USP24: variants seen among roughly 807,000 people sequenced by gnomAD.
USP24 encodes the protein ubiquitin specific peptidase 24, also known as ubiquitin carboxyl-terminal hydrolase 24.
In USP24, 97 loss-of-function variants were observed where a neutral mutation model predicts 361.6. The observed-to-expected ratio is 0.27, with a 90% CI of 0.23 to 0.32. The LOEUF (loss-of-function observed/expected upper bound fraction) is 0.32. USP24 is among the 10% of genes least tolerant of loss of function. The pLI is 1.00. For missense variants in USP24, 2,353 were observed against 3,165.6 expected (o/e 0.74, Z 6.16); for synonymous variants, 1,098 against 1,124.6 (o/e 0.98, Z 0.47).
At chr1:55,132,090 CAATT>C (rs1646609619) in intron 31 of USP24, among the ~76,000 whole-genome samples, 1 of 152,168 alleles carries the variant, frequency 6.6e-6, no homozygotes, top group Non-Finnish European at 1.5e-5. Flanking sequence ...AGACAGTAAA[CAATT>C]AAATGTATTA....
In USP24 at chr1:55,096,485, TG is replaced by T; in HGVS notation, c.6061+12del. 1 of 1,536,900 alleles carries T rather than the reference TG, an allele frequency of 6.5e-7. No individual in the cohort carries two copies. ...AAAAAACTAATGGAAAATATCCATT[TG>T]TAAATACTTACTTTGATCATAAACT... On this transcript the variant is annotated intron_variant, in intron 50 of 67. Transcript: ENST00000294383.
At chr1:55,120,471 A>G (rs1646248254) in intron 38 of USP24, 125 bp downstream of exon 38, 5 of 1,209,510 alleles carry the variant, frequency 4.1e-6, no homozygotes, top group Non-Finnish European at 5.5e-6. Flanking sequence ...CAGGACCCAA[A>G]TTTCAGAAGA....
intron 39 of USP24, 83 bp from the exon 40 acceptor site, chr1:55,107,513 G>A: frequency 7.2e-7 from 1 of 1,391,702 alleles, no homozygotes; most frequent in East Asian, 2.6e-5. Context: ...AGTAAGCAAA[G>A]TCAAGCCCCA....
chr1:55,105,388 G>A lies in USP24; in HGVS notation c.4880+758C>T, dbSNP rs372261551. Reference sequence around the variant, plus strand: ...ACTTTAAGTAGAGAAATATTTATATGTGATAAGATACCTCTTAGGATTCCA... The same window carrying A: ...ACTTTAAGTAGAGAAATATTTATATATGATAAGATACCTCTTAGGATTCCA... On this transcript the variant is annotated intron_variant, in intron 41 of 67. Coordinates refer to ENST00000294383, the MANE Select transcript of USP24 (RefSeq NM_015306.3). 5.9e-5 allele frequency among the ~76,000 whole-genome samples: 9 copies of A among 152,224 alleles called. No homozygotes were observed. In the South Asian group the frequency reaches 1.9e-3, roughly 32 times the overall value.
intron 59 of USP24, among the ~76,000 whole-genome samples, 198 bp downstream of exon 59, chr1:55,081,124 A>T (rs1645140811): frequency 6.6e-6 from 1 of 152,160 alleles, no homozygotes; most frequent in East Asian, 1.9e-4. Context: ...TCCCAAATGA[A>T]TGATGACTCA....
rs1179459959 is a variant in USP24, at chr1:55,160,496, A to G, written c.994-811T>C. Among the ~76,000 whole-genome samples the G allele has an allele frequency of 3.9e-5, 6 of 152,218 alleles. 1 individual carries two copies. Among genetic ancestry groups the G allele is most frequent in the Non-Finnish European group, 8.8e-5 (6 of 68,038 alleles). On this transcript the variant is annotated intron_variant, in intron 8 of 67. Transcript: ENST00000294383. ...TTATGGCCATTCCACAGATTAGGAA[A>G]TTGAGGCATACAAGTTAAATAAGAG... is the stretch of plus-strand genomic sequence containing the variant.
At position 55,143,499 on chromosome 1, in the gene USP24, G is replaced by A. The variant is rs535971960; in HGVS notation, c.2440-380C>T. On this transcript the variant is annotated intron_variant, in intron 21 of 67. Transcript: ENST00000294383. ...AAGCCAGAAGTGGTCACTAATTCTTGGGGCTCAATCTGGTCTTTCTAAAGC... is the reference window on the plus strand; with the variant it reads ...AAGCCAGAAGTGGTCACTAATTCTTAGGGCTCAATCTGGTCTTTCTAAAGC... Among the ~76,000 whole-genome samples the A allele has an allele frequency of 7.2e-5, 11 of 152,136 alleles. 1 individual carries two copies. The highest frequency in any genetic ancestry group is 1.3e-4 in the Non-Finnish European group (9 of 68,020).
chr1:55,186,824 T>C (rs925728401), intron 1 of USP24, among the ~76,000 whole-genome samples: 25 of 152,158 alleles, frequency 1.6e-4, no homozygotes, highest in African/African-American at 6.0e-4. Flanking sequence ...GAAGATGAAG[T>C]AGTTCTGAAG....
At chr1:55,202,398 G>A (rs886171167) in intron 1 of USP24, among the ~76,000 whole-genome samples, 2 of 151,434 alleles carry the variant, frequency 1.3e-5, no homozygotes, top group South Asian at 2.1e-4. Flanking sequence ...TTTGTATACC[G>A]ACTTTTTCTT....
chr1:55,139,806 G>T (rs1227574844), intron 24 of USP24, among the ~76,000 whole-genome samples: 1 of 152,146 alleles, frequency 6.6e-6, no homozygotes, highest in East Asian at 1.9e-4. Context: ...ACACATTTTA[G>T]CAGTTCTATT....
intron 1 of USP24, among the ~76,000 whole-genome samples, chr1:55,181,885 A>G (rs1429258931): frequency 6.6e-6 from 1 of 152,188 alleles, no homozygotes; most frequent in East Asian, 1.9e-4. Context: ...AAATGAGGTC[A>G]TAAGGGTAGG....
intron 44 of USP24, 96 bp downstream of exon 44, chr1:55,100,738 TTAGTC>T (rs2307833): frequency 0.79 from 1,022,101 of 1,288,300 alleles, 408,167 homozygotes; most frequent in East Asian, 0.95. Context: ...TGGCAAGAGA[TTAGTC>T]TAAAGTTAAT....
At position 55,107,438 on chromosome 1, in the gene USP24, G is replaced by T; in HGVS notation, c.4571-8C>A. The T allele has an allele frequency of 6.5e-7, 1 of 1,548,486 alleles. No individual in the cohort carries two copies. Among genetic ancestry groups the T allele is most frequent in the Non-Finnish European group, 8.7e-7 (1 of 1,152,738 alleles). ...ACTGCTCCATTTCTGAAGCTAAGAA[G>T]GAAAAAAAAAATCCATTACAAAGAA... is the stretch of plus-strand genomic sequence containing the variant. On this transcript the variant is annotated splice_region_variant and splice_polypyrimidine_tract_variant and intron_variant, in intron 39 of 67. Coordinates refer to ENST00000294383, the MANE Select transcript of USP24 (RefSeq NM_015306.3).
chr1:55,199,314 A>C (rs145181152), intron 1 of USP24, among the ~76,000 whole-genome samples: 2,034 of 152,208 alleles, frequency 0.013, 15 homozygotes, highest in Admixed American at 0.016. Flanking sequence ...CAAAACAAAA[A>C]AAAAACATGA....
intron 7 of USP24, among the ~76,000 whole-genome samples, chr1:55,162,731 C>T (rs1401295604): frequency 6.6e-6 from 1 of 152,132 alleles, no homozygotes; most frequent in Non-Finnish European, 1.5e-5. Flanking sequence ...AACATCAATT[C>T]TCTCTGCACT....
At chr1:55,077,798 A>T (rs1327410623) in intron 61 of USP24, among the ~76,000 whole-genome samples, 1 of 152,250 alleles carries the variant, frequency 6.6e-6, no homozygotes, top group Non-Finnish European at 1.5e-5. Context: ...TATGTATAAA[A>T]GTGGGAAAGG....
intron 12 of USP24, among the ~76,000 whole-genome samples, chr1:55,156,023 T>C (rs903950744): frequency 6.6e-6 from 1 of 152,206 alleles, no homozygotes; most frequent in African/African-American, 2.4e-5. Flanking sequence ...TTGCTTGATA[T>C]ACCTAGCATA....
intron 62 of USP24, 56 bp from the exon 63 acceptor site, chr1:55,075,579 C>A: frequency 7.6e-7 from 1 of 1,323,940 alleles, no homozygotes; most frequent in Non-Finnish European, 1.0e-6. Context: ...GTCATAGCCA[C>A]GGGTGCTTTC....
At chr1:55,072,661 G>T in intron 65 of USP24, 125 bp downstream of exon 65, 1 of 1,000,288 alleles carries the variant, frequency 1.0e-6, no homozygotes, top group Non-Finnish European at 1.4e-6. Context: ...CTGTAGCAAA[G>T]AAATGTTTGA....
Sources: gnomAD v4.1 joint callset for allele counts (sites outside exome capture counted in the v4.1 genomes callset) on GRCh38, gnomAD v4.1.1 for gene constraint, MANE v1.5 for transcripts, NCBI Gene and HGNC (gene_info 2026-07-23, HGNC 2026-07-21) for gene names.